The following RHOG variants were observed in gnomAD, a reference collection of about 807,000 sequenced individuals.
RHOG encodes ras homolog family member G.
In RHOG, 1 loss-of-function variant was observed where a neutral mutation model predicts 12.3. The ratio of observed to expected loss-of-function variants is 0.08; its 90% CI spans 0.03 to 0.39. The LOEUF (loss-of-function observed/expected upper bound fraction) is 0.39. Ranked by LOEUF, RHOG falls within the 10% of genes least tolerant of loss-of-function variation. RHOG has a pLI of 0.99. For synonymous variants in RHOG, 129 were observed against 116.0 expected (o/e 1.11, Z -0.72); for missense variants, 114 against 266.2 (o/e 0.43, Z 3.98).
rs1370123983 is a variant in RHOG at position 3,827,237 on chromosome 11, A to T, written c.*326T>A. On this transcript the variant is annotated 3_prime_UTR_variant, in exon 2 of 2. Coordinates refer to ENST00000351018, the MANE Select transcript of RHOG (RefSeq NM_001665.4). This position sits in a 1 kb window ranked among gnomAD's most constrained non-coding sequence, Gnocchi z 7.3. ...TGAGGCGGCACCACAATAGGCAGCA[A>T]CAACTGTGTGGAAAGCTGGATGAAC... 5.8e-6 allele frequency: 2 copies of T among 346,104 alleles called. No homozygotes were observed. Among genetic ancestry groups the T allele is most frequent in the Non-Finnish European group, 1.1e-5 (2 of 186,488 alleles). 21.4% of individuals were successfully genotyped at this position (346,104 alleles called of 1,614,324 possible).
chr11:3,838,308 G>C (rs1205215718), intron 1 of RHOG, among the ~76,000 whole-genome samples: 1 of 152,080 alleles, frequency 6.6e-6, no homozygotes, highest in African/African-American at 2.4e-5. Flanking sequence ...TTTGCAATTA[G>C]CTCAAACTTC....
At chr11:3,831,037 A>G (rs1019398226) in intron 1 of RHOG, among the ~76,000 whole-genome samples, 1 of 151,798 alleles carries the variant, frequency 6.6e-6, no homozygotes, top group Non-Finnish European at 1.5e-5. Context: ...TTTAAACACA[A>G]CCAAATCCCT....
intron 1 of RHOG, among the ~76,000 whole-genome samples, chr11:3,835,543 G>C (rs112287451): frequency 3.7e-4 from 57 of 152,296 alleles, no homozygotes; most frequent in African/African-American, 1.3e-3. Flanking sequence ...AGACTCTGAT[G>C]CTGGGAACAA....
At chr11:3,830,144 T>A (rs1328416189) in intron 1 of RHOG, among the ~76,000 whole-genome samples, 1 of 152,220 alleles carries the variant, frequency 6.6e-6, no homozygotes, top group Non-Finnish European at 1.5e-5. Context: ...CCTGAGATCC[T>A]GGCATGTGCC....
chr11:3,836,846 T>C (rs2090159923), intron 1 of RHOG, among the ~76,000 whole-genome samples: 1 of 135,016 alleles, frequency 7.4e-6, no homozygotes, highest in Non-Finnish European at 1.5e-5. Context: ...GAGGTTGTGG[T>C]GAGCTGAGAT....
chr11:3,829,466 G>T (rs2090113208), intron 1 of RHOG, among the ~76,000 whole-genome samples: 1 of 151,916 alleles, frequency 6.6e-6, no homozygotes, highest in Admixed American at 6.6e-5. Flanking sequence ...AGCCATGCTG[G>T]TCTCAAGCTC....
intron 1 of RHOG, among the ~76,000 whole-genome samples, chr11:3,833,984 G>A (rs760301786): frequency 3.9e-5 from 6 of 152,130 alleles, no homozygotes; most frequent in Admixed American, 2.0e-4. Flanking sequence ...GTGCAGTGTC[G>A]CGATCTCAGC....
intron 1 of RHOG, among the ~76,000 whole-genome samples, chr11:3,840,331 T>TC (rs1003415470): frequency 6.6e-6 from 1 of 151,332 alleles, no homozygotes; most frequent in African/African-American, 2.4e-5. Flanking sequence ...TCGGCGGGGC[T>TC]CCCCCACCCA....
intron 1 of RHOG, chr11:3,840,536 AC>A (rs34666281): frequency 8.9e-5 from 12 of 135,208 alleles, no homozygotes; most frequent in Non-Finnish European, 1.3e-4. Flanking sequence ...ACTTCTCAAC[AC>A]CCCCCCCACC....
chr11:3,828,845 C>T (rs890468912), intron 1 of RHOG, among the ~76,000 whole-genome samples: 4 of 151,878 alleles, frequency 2.6e-5, no homozygotes, highest in Admixed American at 2.0e-4. Flanking sequence ...TGGTCTCGAT[C>T]TCCTGACCTC....
intron 1 of RHOG, among the ~76,000 whole-genome samples, chr11:3,838,266 G>GC (rs563370698): frequency 8.5e-5 from 13 of 152,190 alleles, no homozygotes; most frequent in African/African-American, 2.4e-4. Flanking sequence ...AATCTCTCCC[G>GC]CCCTGGTCAC....
intron 1 of RHOG, among the ~76,000 whole-genome samples, chr11:3,829,453 G>A (rs2090113167): frequency 6.6e-6 from 1 of 151,884 alleles, no homozygotes; most frequent in Admixed American, 6.6e-5. Context: ...GTTTCGCCGT[G>A]TTAGCCATGC....
At chr11:3,831,801 C>A (rs748193398) in intron 1 of RHOG, among the ~76,000 whole-genome samples, 5 of 152,138 alleles carry the variant, frequency 3.3e-5, no homozygotes, top group Non-Finnish European at 7.3e-5. Context: ...ATCTTCAGTT[C>A]CACACAGAGC....
At chr11:3,835,510 C>T (rs2090151060) in intron 1 of RHOG, among the ~76,000 whole-genome samples, 1 of 152,300 alleles carries the variant, frequency 6.6e-6, no homozygotes, top group South Asian at 2.1e-4. Context: ...GAATGACATA[C>T]CCCTCCTCCC....
intron 1 of RHOG, among the ~76,000 whole-genome samples, chr11:3,833,254 C>T (rs1268771855): frequency 6.6e-6 from 1 of 152,128 alleles, no homozygotes; most frequent in South Asian, 2.1e-4. Context: ...CAGGCACCAC[C>T]ACACCTGGCT....
chr11:3,827,522 TG>T lies in RHOG; in HGVS notation c.*40del, dbSNP rs755710814. 5 of 1,526,408 alleles carry T rather than the reference TG, an allele frequency of 3.3e-6. No homozygotes were observed. The African/African-American group carries it at 4.1e-5, about 12-fold the overall frequency. The allele number at this position is 1,526,408 out of a possible 1,614,324, so 94.6% of individuals were successfully genotyped here. Reference sequence around the variant, plus strand: ...GGACAAGGCACCAAGGCACAACTGGTGGGGGGAGGGCAGGGGCAGCCTCCAA... The same window carrying T: ...GGACAAGGCACCAAGGCACAACTGGTGGGGGAGGGCAGGGGCAGCCTCCAA... On this transcript the variant is annotated 3_prime_UTR_variant, in exon 2 of 2. Transcript: ENST00000351018. The surrounding 1 kb of genome is among the most constrained non-coding windows in gnomAD (Gnocchi z 7.3).
In RHOG at chr11:3,827,803, C is replaced by T. The variant is rs760108513; in HGVS notation, c.336G>A (p.Leu112=). ...CHHCPDVPIL[L]VGTKKDLRAQ... The stretch of plus-strand genomic sequence containing the variant: ...CTCTCAGGTCCTTCTTGGTGCCCAC[C>T]AGCAGGATGGGCACATCAGGGCAGT... Residue 112 remains leucine (L), a synonymous_variant, in exon 2 of 2, where the codon CTG becomes CTA. Transcript: ENST00000351018. This position sits in a 1 kb window ranked among gnomAD's most constrained non-coding sequence, Gnocchi z 7.3. The T allele has an allele frequency of 6.2e-7, 1 of 1,613,882 alleles. No individual in the cohort carries two copies.
rs2090084538 is a variant in RHOG, at chr11:3,827,313, G to A, written c.*250C>T. The A allele has an allele frequency of 1.9e-6, 1 of 536,290 alleles. No individual in the cohort carries two copies. Among genetic ancestry groups the A allele is most frequent in the Non-Finnish European group, 3.3e-6 (1 of 299,704 alleles). The allele number at this position is 536,290 out of a possible 1,614,324, so 33.2% of individuals were successfully genotyped here. On this transcript the variant is annotated 3_prime_UTR_variant, in exon 2 of 2. Transcript: ENST00000351018. The surrounding 1 kb of genome is among the most constrained non-coding windows in gnomAD (Gnocchi z 7.3). ...GGCACTGGGTTGGCCTCTTGGGGAG[G>A]GGTCCAACCTTGGCTTGGATGAGCT...
chr11:3,839,570 TAC>T (rs2090178433), intron 1 of RHOG, among the ~76,000 whole-genome samples: 1 of 128,362 alleles, frequency 7.8e-6, no homozygotes, highest in Non-Finnish European at 1.6e-5. Context: ...AAGATGTAGA[TAC>T]ACAGACACGC....
Sources: gnomAD v4.1 joint callset for allele counts (sites outside exome capture counted in the v4.1 genomes callset) on GRCh38, gnomAD v4.1.1 for gene constraint, Gnocchi (gnomAD v3.1) non-coding constraint, MANE v1.5 for transcripts, NCBI Gene and HGNC (gene_info 2026-07-23, HGNC 2026-07-21) for gene names.